The following HS6ST3 variants were observed in gnomAD, a reference collection of about 807,000 sequenced individuals.
HS6ST3 encodes the protein heparan-sulfate 6-O-sulfotransferase 3.
Under a neutral mutation model 36.7 loss-of-function variants are expected in HS6ST3, and 12 were observed. That is an observed-to-expected ratio of 0.33 (90% confidence interval 0.21 to 0.53). The LOEUF (loss-of-function observed/expected upper bound fraction) is 0.53, where lower values mean the gene tolerates loss of function less well. Ranked by LOEUF, HS6ST3 falls within the 20% of genes least tolerant of loss-of-function variation. The pLI, the probability that HS6ST3 is intolerant of heterozygous loss-of-function variation, is 0.95. For missense variants in HS6ST3, 584 were observed against 640.9 expected (o/e 0.91, Z 0.96); for synonymous variants, 240 against 257.5 (o/e 0.93, Z 0.65).
intron 1 of HS6ST3, among the ~76,000 whole-genome samples, chr13:96,701,816 G>T: frequency 6.6e-6 from 1 of 152,186 alleles, no homozygotes. Context: ...ACAAAAATTA[G>T]CCAGGCATGG....
intron 1 of HS6ST3, among the ~76,000 whole-genome samples, chr13:96,582,266 A>G (rs1209110467): frequency 2.0e-5 from 3 of 152,228 alleles, no homozygotes; most frequent in Admixed American, 6.5e-5. Context: ...TGAGAATGAC[A>G]TAATGCTAAC....
intron 1 of HS6ST3, among the ~76,000 whole-genome samples, chr13:96,671,272 A>G (rs1282776891): frequency 6.6e-6 from 1 of 151,974 alleles, no homozygotes; most frequent in East Asian, 1.9e-4. Context: ...TTTGAACCCA[A>G]ATCAGAAGGA....
intron 1 of HS6ST3, among the ~76,000 whole-genome samples, chr13:96,650,421 C>A (rs1227071762): frequency 2.0e-5 from 3 of 151,970 alleles, no homozygotes; most frequent in African/African-American, 7.2e-5. Flanking sequence ...ATATCGAAGT[C>A]ATTCCTCTTC....
chr13:96,664,983 G>A (rs867870187), intron 1 of HS6ST3, among the ~76,000 whole-genome samples: 2 of 152,050 alleles, frequency 1.3e-5, no homozygotes, highest in Non-Finnish European at 1.5e-5. Context: ...ACCAGCCCGG[G>A]CAACATGGTG....
chr13:96,486,745 TG>T (rs1353133816), intron 1 of HS6ST3, among the ~76,000 whole-genome samples: 1 of 152,042 alleles, frequency 6.6e-6, no homozygotes, highest in East Asian at 1.9e-4. Flanking sequence ...TAGGAGCTCT[TG>T]GATAATAGAT....
At chr13:96,639,015 T>C (rs2056560731) in intron 1 of HS6ST3, among the ~76,000 whole-genome samples, 1 of 152,014 alleles carries the variant, frequency 6.6e-6, no homozygotes, top group Non-Finnish European at 1.5e-5. Flanking sequence ...CACGTGCACT[T>C]GAGAAGAACA....
intron 1 of HS6ST3, among the ~76,000 whole-genome samples, chr13:96,189,665 T>C (rs1184672473): frequency 6.6e-6 from 1 of 152,198 alleles, no homozygotes; most frequent in Non-Finnish European, 1.5e-5. Flanking sequence ...TGCTTCTTGC[T>C]CATGTTACTT....
chr13:96,671,938 T>C (rs2056684095), intron 1 of HS6ST3, among the ~76,000 whole-genome samples: 1 of 152,074 alleles, frequency 6.6e-6, no homozygotes, highest in South Asian at 2.1e-4. Context: ...AAAAACAAAA[T>C]AGTGGTTTTA....
Position 96,454,233 on chromosome 13 carries a change from C to T in HS6ST3, c.707+362664C>T, listed in dbSNP as rs527990976. Among the ~76,000 whole-genome samples the T allele has an allele frequency of 2.0e-3, 310 of 152,198 alleles. 1 individual carries two copies. The highest frequency in any genetic ancestry group is 7.1e-3 in the African/African-American group (295 of 41,526). ...GGCATATATTAGGAACTGAATGTGC[C>T]TTAGTTCTGGGCCATCAGTGAAATC... On this transcript the variant is annotated intron_variant, in intron 1 of 1. Transcript: ENST00000376705.
At chr13:96,216,183 A>T (rs1437253764) in intron 1 of HS6ST3, among the ~76,000 whole-genome samples, 1 of 152,234 alleles carries the variant, frequency 6.6e-6, no homozygotes, top group East Asian at 1.9e-4. Flanking sequence ...ATAGTACGTA[A>T]ATGTTAACCA....
intron 1 of HS6ST3, among the ~76,000 whole-genome samples, chr13:96,190,681 A>G (rs2054284579): frequency 6.6e-6 from 1 of 152,220 alleles, no homozygotes; most frequent in Non-Finnish European, 1.5e-5. Context: ...GGTACCAAAT[A>G]ATAAAGGAAC....
At chr13:96,453,929 T>C (rs944868621) in intron 1 of HS6ST3, among the ~76,000 whole-genome samples, 1 of 152,168 alleles carries the variant, frequency 6.6e-6, no homozygotes, top group African/African-American at 2.4e-5. Flanking sequence ...ACACTTCCAT[T>C]TCTGGGTCTT....
chr13:96,327,533 A>G (rs1231043985), intron 1 of HS6ST3, among the ~76,000 whole-genome samples: 1 of 151,846 alleles, frequency 6.6e-6, no homozygotes, highest in Non-Finnish European at 1.5e-5. Context: ...TGTTCCATTG[A>G]TCTATATCTC....
At chr13:96,621,110 C>G (rs765224592) in intron 1 of HS6ST3, among the ~76,000 whole-genome samples, 3 of 152,208 alleles carry the variant, frequency 2.0e-5, no homozygotes, top group Non-Finnish European at 4.4e-5. Flanking sequence ...AGTGCAAGTG[C>G]AGCTGCAAGC....
rs996400249 is a variant in HS6ST3, at chr13:96,836,883, G to T, written c.*3685G>T. 6.6e-6 allele frequency: 1 copy of T among 152,192 alleles called. No homozygotes were observed. The highest frequency in any genetic ancestry group is 2.1e-4 in the South Asian group (1 of 4,824). 9.4% of individuals were successfully genotyped at this position (152,192 alleles called of 1,614,324 possible). A position where few individuals can be genotyped will look rare whatever the true frequency, so the allele number is the denominator to read the frequency against. ...TTACCAGACGCCTAGGCCCTCTCCT[G>T]TTGCTCTGTCATCCTAATGTGCTGC... On this transcript the variant is annotated 3_prime_UTR_variant, in exon 2 of 2. Coordinates refer to ENST00000376705, the MANE Select transcript of HS6ST3 (RefSeq NM_153456.4).
intron 1 of HS6ST3, among the ~76,000 whole-genome samples, chr13:96,676,964 AG>A (rs2056700767): frequency 6.6e-6 from 1 of 152,154 alleles, no homozygotes; most frequent in African/African-American, 2.4e-5. Context: ...AGGAGAGTCA[AG>A]GTCATAGTAA....
At chr13:96,765,169 G>A (rs2138502991) in intron 1 of HS6ST3, among the ~76,000 whole-genome samples, 1 of 149,524 alleles carries the variant, frequency 6.7e-6, no homozygotes, top group East Asian at 2.0e-4. Context: ...CGCCTTCTGG[G>A]TTCACGCCAT....
At chr13:96,349,672 T>A (rs921413374) in intron 1 of HS6ST3, among the ~76,000 whole-genome samples, 5 of 152,178 alleles carry the variant, frequency 3.3e-5, no homozygotes, top group African/African-American at 1.2e-4. Flanking sequence ...TTGGACTTTA[T>A]TGCAACATAA....
chr13:96,593,174 CTTTTTTTTTTTTTT>C (rs35380296), intron 1 of HS6ST3, among the ~76,000 whole-genome samples: 2 of 46,602 alleles, frequency 4.3e-5, no homozygotes, highest in African/African-American at 9.4e-5. Context: ...TTCTTTCTTT[CTTTTTTTTTTTTTT>C]TTTTTTTTTT....
Sources: allele counts gnomAD v4.1 joint callset (sites outside exome capture counted in the v4.1 genomes callset), GRCh38; gene constraint gnomAD v4.1.1; transcripts MANE v1.5; gene names NCBI Gene and HGNC (gene_info 2026-07-23, HGNC 2026-07-21).